TCERG1: variants seen among roughly 807,000 people sequenced by gnomAD.
TCERG1 encodes transcription elongation regulator 1.
TCERG1 carries 37 observed loss-of-function variants against 144.7 expected under a neutral mutation model. The ratio of observed to expected loss-of-function variants is 0.26; its 90% confidence interval spans 0.20 to 0.34. TCERG1 has a LOEUF of 0.34. Among genes scored for constraint, TCERG1 ranks in the 10% least tolerant of loss-of-function variants. TCERG1 has a pLI of 1.00. For synonymous variants in TCERG1, 492 were observed against 458.2 expected (o/e 1.07, Z -0.94); for missense variants, 1,027 against 1,380.7 (o/e 0.74, Z 4.06).
At chr5:146,487,251 C>T (rs1765925862) in intron 15 of TCERG1, among the ~76,000 whole-genome samples, 1 of 151,926 alleles carries the variant, frequency 6.6e-6, no homozygotes, top group African/African-American at 2.4e-5. Context: ...TAAATTTAAC[C>T]AAACAAGTGA....
At chr5:146,453,772 TA>T (rs775482064) in intron 1 of TCERG1, among the ~76,000 whole-genome samples, 1,608 of 137,850 alleles carry the variant, frequency 0.012, 2 homozygotes, top group African/African-American at 0.021. Context: ...ACCCTGTCTC[TA>T]AAAAAAAAAA....
At chr5:146,476,664 A>C (rs936505642) in intron 9 of TCERG1, among the ~76,000 whole-genome samples, 1 of 152,220 alleles carries the variant, frequency 6.6e-6, no homozygotes, top group East Asian at 1.9e-4. Context: ...TTGTACATGA[A>C]AAGCTAGTAA....
chr5:146,501,713 A>G (rs1192323018), intron 17 of TCERG1, among the ~76,000 whole-genome samples: 1 of 152,168 alleles, frequency 6.6e-6, no homozygotes, highest in Non-Finnish European at 1.5e-5. Flanking sequence ...TTTCTTAATC[A>G]GTGTCTGGAA....
At chr5:146,465,669 G>C (rs1256545759) in intron 5 of TCERG1, among the ~76,000 whole-genome samples, 1 of 152,106 alleles carries the variant, frequency 6.6e-6, no homozygotes, top group East Asian at 1.9e-4. Flanking sequence ...TGACATTTTG[G>C]GGGTCAGTTG....
At chr5:146,483,000 A>T (rs1561676370) in intron 14 of TCERG1, among the ~76,000 whole-genome samples, 1 of 152,174 alleles carries the variant, frequency 6.6e-6, no homozygotes, top group Non-Finnish European at 1.5e-5. Context: ...GAGTATTAAC[A>T]TTACAGAATG....
At chr5:146,476,738 C>T (rs934794057) in intron 9 of TCERG1, among the ~76,000 whole-genome samples, 4 of 152,014 alleles carry the variant, frequency 2.6e-5, no homozygotes, top group African/African-American at 7.3e-5. Flanking sequence ...CTTGGGGGTC[C>T]GTCCCCACCT....
intron 17 of TCERG1, chr5:146,503,150 A>C (rs766610827): frequency 3.8e-5 from 10 of 260,648 alleles, no homozygotes; most frequent in Non-Finnish European, 5.7e-5. Flanking sequence ...GAATTTGGCA[A>C]ATTTTAGATG....
chr5:146,462,740 A>G (rs144908812), intron 4 of TCERG1, among the ~76,000 whole-genome samples: 59 of 152,136 alleles, frequency 3.9e-4, no homozygotes, highest in Admixed American at 7.9e-4. Context: ...TTTTCTTCCT[A>G]TGCATCTGTG....
intron 9 of TCERG1, 44 bp from the exon 10 acceptor site, chr5:146,478,449 A>G (rs772153044): frequency 2.0e-6 from 3 of 1,509,242 alleles, no homozygotes; most frequent in South Asian, 2.8e-5. Context: ...GCTGTAAAAT[A>G]TGTTCTGTAA....
chr5:146,468,811 A>G lies in TCERG1; in HGVS notation c.1198+408A>G, dbSNP rs1764019884. ...GTGTGAATACATGTGTATAGTATAC[A>G]TTTACATTTTAAAGTTATTGAAGTA... On this transcript the variant is annotated intron_variant, in intron 6 of 22. Transcript: ENST00000679501. 1.3e-5 allele frequency among the ~76,000 whole-genome samples: 2 copies of G among 152,074 alleles called. 1 individual carries two copies. The highest frequency in any genetic ancestry group is 4.1e-4 in the South Asian group (2 of 4,824).
chr5:146,499,505 C>T (rs542432462), intron 17 of TCERG1: 120 of 152,230 alleles, frequency 7.9e-4, no homozygotes, highest in African/African-American at 2.6e-3. Context: ...CCTAATTATC[C>T]GATTTATTGG....
chr5:146,498,450 C>A, intron 16 of TCERG1, 86 bp from the exon 17 acceptor site: 1 of 1,417,388 alleles, frequency 7.1e-7, no homozygotes, highest in Non-Finnish European at 9.5e-7. Flanking sequence ...GTCATATACT[C>A]TTGTTGGAAA....
intron 15 of TCERG1, among the ~76,000 whole-genome samples, chr5:146,486,949 G>T (rs1389632842): frequency 6.6e-6 from 1 of 152,042 alleles, no homozygotes; most frequent in Non-Finnish European, 1.5e-5. Context: ...AATTAGCCAG[G>T]GGTGGTGGTG....
chr5:146,463,731 T>C lies in TCERG1; in HGVS notation c.1073T>C (p.Phe358Ser), dbSNP rs1311072778. The C allele has an allele frequency of 6.2e-7, 1 of 1,614,096 alleles. No individual in the cohort carries two copies. Among genetic ancestry groups the C allele is most frequent in the Non-Finnish European group, 8.5e-7 (1 of 1,180,048 alleles). ...VPQPTTAIPA[F>S]PPVMVPPFRV... ...CAGCCAACAACAGCAATACCTGCTTTTCCACCAGTAATGGTACCTCCGTTT... is the reference window on the plus strand; with the variant it reads ...CAGCCAACAACAGCAATACCTGCTTCTCCACCAGTAATGGTACCTCCGTTT... Residue 358 changes from phenylalanine to serine, a missense_variant, in exon 5 of 23, where the codon TTT becomes TCT. By Grantham distance (155) the Phe-to-Ser change is radical (BLOSUM62 -2). This residue lies in a region of TCERG1 where 482 missense variants were observed against 632.6 expected (regional missense o/e 0.76). Coordinates refer to ENST00000679501, the MANE Select transcript of TCERG1 (RefSeq NM_001382548.1).
chr5:146,471,221 G>A (rs138949214), intron 8 of TCERG1, among the ~76,000 whole-genome samples: 56 of 152,326 alleles, frequency 3.7e-4, no homozygotes, highest in Non-Finnish European at 7.5e-4. Flanking sequence ...GAAGAGGTAT[G>A]TACTGTAGTT....
intron 9 of TCERG1, among the ~76,000 whole-genome samples, chr5:146,476,772 T>A (rs1474147165): frequency 6.6e-6 from 1 of 152,140 alleles, no homozygotes. Flanking sequence ...GATGAGATAG[T>A]TAATTATTGA....
chr5:146,480,062 T>C lies in TCERG1; in HGVS notation c.1854T>C (p.Asn618=), dbSNP rs1326608546. 6.2e-7 allele frequency: 1 copy of C among 1,601,958 alleles called. No homozygotes were observed. Among genetic ancestry groups the C allele is most frequent in the Non-Finnish European group, 8.5e-7 (1 of 1,175,168 alleles). The change falls in exon 12 of 23, where the codon AAT becomes AAC. Residue 618 remains asparagine, a synonymous_variant. Coordinates refer to ENST00000679501, the MANE Select transcript of TCERG1 (RefSeq NM_001382548.1). ...KEEQELMEEI[N]EDEPVKAKKR... is the part of the protein sequence containing the mutation. Reference sequence around the variant, plus strand: ...AACAAGAATTAATGGAAGAAATTAATGAAGATGAGCCTGTTAAAGCAAAAA... The same window carrying C: ...AACAAGAATTAATGGAAGAAATTAACGAAGATGAGCCTGTTAAAGCAAAAA...
At chr5:146,501,358 A>G (rs1300866347) in intron 17 of TCERG1, among the ~76,000 whole-genome samples, 3 of 152,184 alleles carry the variant, frequency 2.0e-5, no homozygotes, top group African/African-American at 4.8e-5. Flanking sequence ...TAGCCTTAGT[A>G]AGCCATTTAT....
intron 15 of TCERG1, among the ~76,000 whole-genome samples, chr5:146,491,006 T>A (rs1010676311): frequency 5.3e-5 from 8 of 152,098 alleles, no homozygotes; most frequent in African/African-American, 1.7e-4. Context: ...CATTTTTTTC[T>A]TTTATATTTT....
Sources: gnomAD v4.1 joint callset for allele counts (sites outside exome capture counted in the v4.1 genomes callset) on GRCh38, gnomAD v4.1.1 for gene constraint, gnomAD v4.1.1 regional missense constraint, MANE v1.5 for transcripts, NCBI Gene and HGNC (gene_info 2026-07-23, HGNC 2026-07-21) for gene names.